CD38: variants seen among roughly 807,000 people sequenced by gnomAD.
CD38 encodes the protein ADP-ribosyl cyclase/cyclic ADP-ribose hydrolase 1.
CD38 carries 31 observed loss-of-function variants against 36.3 expected under a neutral mutation model. The observed-to-expected ratio is 0.85, with a 90% CI of 0.64 to 1.15. The LOEUF is 1.15. Among genes scored for constraint, CD38 ranks in the 50% most tolerant of loss-of-function variants. CD38 has a pLI of 0.00. For missense variants in CD38, 380 were observed against 371.9 expected (o/e 1.02, Z -0.18); for synonymous variants, 131 against 135.2 (o/e 0.97, Z 0.22).
At chr4:15,782,261 G>A (rs1442261505) in intron 1 of CD38, among the ~76,000 whole-genome samples, 6 of 152,108 alleles carry the variant, frequency 3.9e-5, no homozygotes, top group East Asian at 3.8e-4. Context: ...AACAATCACC[G>A]GACCAGCCCA....
intron 3 of CD38, among the ~76,000 whole-genome samples, chr4:15,828,842 G>A (rs906019777): frequency 1.3e-5 from 2 of 152,148 alleles, no homozygotes; most frequent in African/African-American, 4.8e-5. Context: ...CTAGAAGTGG[G>A]ATTGCTGGAT....
chr4:15,839,491 T>A (rs1724154268), intron 5 of CD38, among the ~76,000 whole-genome samples: 1 of 143,004 alleles, frequency 7.0e-6, no homozygotes, highest in Admixed American at 7.2e-5. Flanking sequence ...TGACACGGTC[T>A]CCGCTCACTG....
intron 1 of CD38, among the ~76,000 whole-genome samples, chr4:15,786,348 T>C (rs959175950): frequency 3.9e-5 from 6 of 152,236 alleles, no homozygotes; most frequent in African/African-American, 1.4e-4. Context: ...GACAGGGTGC[T>C]GATTGGTGCA....
chr4:15,836,694 G>C (rs1313196187), intron 4 of CD38, among the ~76,000 whole-genome samples: 1 of 152,164 alleles, frequency 6.6e-6, no homozygotes, highest in Non-Finnish European at 1.5e-5. Flanking sequence ...CTTTGAATCT[G>C]CTTATTGGTT....
At chr4:15,826,632 A>G (rs975991153) in intron 3 of CD38, among the ~76,000 whole-genome samples, 3 of 152,130 alleles carry the variant, frequency 2.0e-5, no homozygotes, top group Non-Finnish European at 4.4e-5. Flanking sequence ...GAGGCCAGGC[A>G]CAGTGGCTCA....
intron 1 of CD38, among the ~76,000 whole-genome samples, chr4:15,786,011 C>T (rs1419002339): frequency 6.6e-6 from 1 of 150,970 alleles, no homozygotes; most frequent in African/African-American, 2.4e-5. Context: ...TTGTTCGTTC[C>T]TCCCATCTGG....
At chr4:15,812,592 C>G (rs1211256260) in intron 1 of CD38, among the ~76,000 whole-genome samples, 1 of 152,154 alleles carries the variant, frequency 6.6e-6, no homozygotes, top group Non-Finnish European at 1.5e-5. Flanking sequence ...CCCAGCTACT[C>G]AGGAGGCTGA....
At position 15,848,767 on chromosome 4, in the gene CD38, A is replaced by G. The variant is rs1724322542; in HGVS notation, c.*165A>G. ...TTTCCCCAAAGTCTTAAAATAACTT[A>G]TATCATCAGCATACCTTTATTGTGA... On this transcript the variant is annotated 3_prime_UTR_variant, in exon 8 of 8. Transcript: ENST00000226279. 1 of 537,824 alleles carries G rather than the reference A, an allele frequency of 1.9e-6. No homozygotes were observed. The highest frequency in any genetic ancestry group is 3.4e-6 in the Non-Finnish European group (1 of 296,156). The allele number at this position is 537,824 out of a possible 1,614,324, so 33.3% of individuals were successfully genotyped here.
chr4:15,809,725 G>C (rs866593619), intron 1 of CD38, among the ~76,000 whole-genome samples: 3 of 152,268 alleles, frequency 2.0e-5, no homozygotes, highest in Middle Eastern at 3.4e-3. Flanking sequence ...TGTCCCAACT[G>C]CAGGCACCCC....
chr4:15,838,105 C>T lies in CD38; in HGVS notation c.599C>T (p.Ala200Val). Reference sequence around the variant, plus strand: ...TTTTTTTTTAAGTTTGCAGAAGCTGCCTGTGATGTGGTCCATGTGATGCTC... The same window carrying T: ...TTTTTTTTTAAGTTTGCAGAAGCTGTCTGTGATGTGGTCCATGTGATGCTC... ...KTVSRRFAEA[A>V]CDVVHVMLNG... The change falls in exon 5 of 8, where the codon GCC becomes GTC. Residue 200 changes from alanine (A) to valine (V), a missense_variant. Physicochemically the swap from Ala to Val is moderately conservative, Grantham distance 64 (BLOSUM62 0). Coordinates refer to ENST00000226279, the MANE Select transcript of CD38 (RefSeq NM_001775.4). 1.9e-6 allele frequency: 3 copies of T among 1,613,324 alleles called. No individual in the cohort carries two copies. The highest frequency in any genetic ancestry group is 2.2e-5 in the South Asian group (2 of 91,030).
At chr4:15,826,115 T>C (rs1440593666) in intron 3 of CD38, 1 of 152,010 alleles carries the variant, frequency 6.6e-6, no homozygotes, top group Non-Finnish European at 1.5e-5. Flanking sequence ...GCATGATTAT[T>C]TGAAAAAAAA....
Position 15,804,575 on chromosome 4 carries a change from T to C in CD38, c.234-11936T>C, listed in dbSNP as rs868468916. ...AAGAAAATGTGGGATATATAGACAA[T>C]GGAATGCAGCCATAAAAGAGAATGA... is the stretch of plus-strand genomic sequence containing the variant. On this transcript the variant is annotated intron_variant, in intron 1 of 7. Coordinates refer to ENST00000226279, the MANE Select transcript of CD38 (RefSeq NM_001775.4). Among the ~76,000 whole-genome samples, 2 of 152,074 alleles carry C rather than the reference T, an allele frequency of 1.3e-5. 1 individual carries two copies. The highest frequency in any genetic ancestry group is 4.1e-4 in the South Asian group (2 of 4,830).
At chr4:15,806,250 G>C (rs904236634) in intron 1 of CD38, among the ~76,000 whole-genome samples, 1 of 152,102 alleles carries the variant, frequency 6.6e-6, no homozygotes, top group Non-Finnish European at 1.5e-5. Flanking sequence ...CCCTATTCTG[G>C]TCCTGACCCT....
At chr4:15,820,764 A>G (rs1398350974) in intron 2 of CD38, among the ~76,000 whole-genome samples, 1 of 152,134 alleles carries the variant, frequency 6.6e-6, no homozygotes, top group Non-Finnish European at 1.5e-5. Context: ...CCCACTGTCA[A>G]TATTAGACAG....
chr4:15,841,618 CG>C (rs1294639540), intron 7 of CD38, among the ~76,000 whole-genome samples: 17 of 150,304 alleles, frequency 1.1e-4, no homozygotes, highest in African/African-American at 4.0e-4. Flanking sequence ...ACGCAGAAGA[CG>C]GGTGATTTCT....
At chr4:15,830,499 C>G (rs1428186113) in intron 3 of CD38, among the ~76,000 whole-genome samples, 1 of 152,096 alleles carries the variant, frequency 6.6e-6, no homozygotes, top group African/African-American at 2.4e-5. Context: ...TTAATGCCTT[C>G]TTGAATGGGT....
At chr4:15,842,092 C>G (rs1372155603) in intron 7 of CD38, among the ~76,000 whole-genome samples, 1 of 127,802 alleles carries the variant, frequency 7.8e-6, no homozygotes, top group Non-Finnish European at 1.6e-5. Flanking sequence ...TCTGTAGGCT[C>G]CACCTCTGGG....
intron 1 of CD38, among the ~76,000 whole-genome samples, chr4:15,785,530 G>A (rs549061913): frequency 8.9e-4 from 105 of 118,488 alleles, no homozygotes; most frequent in African/African-American, 4.3e-3. Context: ...CCTGGAGAAC[G>A]TTCCTTTTCT....
At chr4:15,790,096 A>G (rs1198036278) in intron 1 of CD38, among the ~76,000 whole-genome samples, 1 of 148,646 alleles carries the variant, frequency 6.7e-6, no homozygotes, top group Non-Finnish European at 1.5e-5. Flanking sequence ...CTTGAAAAGC[A>G]GCAAGCCGCT....
Sources: gnomAD v4.1 joint callset for allele counts (sites outside exome capture counted in the v4.1 genomes callset) on GRCh38, gnomAD v4.1.1 for gene constraint, MANE v1.5 for transcripts, NCBI Gene and HGNC (gene_info 2026-07-23, HGNC 2026-07-21) for gene names.